The following UGGT2 variants were observed in gnomAD, a reference collection of about 807,000 sequenced individuals.
The protein encoded by UGGT2 is UDP-glucose:glycoprotein glucosyltransferase 2.
Under a neutral mutation model 192.1 loss-of-function variants are expected in UGGT2, and 180 were observed. That is an observed-to-expected ratio of 0.94 (90% CI 0.83 to 1.06). UGGT2 has a LOEUF of 1.06. Ranked by LOEUF, UGGT2 falls within the 50% of genes least tolerant of loss-of-function variation. The pLI is 0.00. For missense variants in UGGT2, 1,849 were observed against 1,795.7 expected (o/e 1.03, Z -0.54); for synonymous variants, 580 against 591.0 (o/e 0.98, Z 0.27).
chr13:95,991,899 A>G (rs1259051382), intron 7 of UGGT2, among the ~76,000 whole-genome samples: 1 of 152,172 alleles, frequency 6.6e-6, no homozygotes, highest in Non-Finnish European at 1.5e-5. Flanking sequence ...ATTCCCTTTT[A>G]AAAATGAATA....
chr13:95,905,658 C>G (rs1325575003), intron 20 of UGGT2, among the ~76,000 whole-genome samples: 1 of 152,050 alleles, frequency 6.6e-6, no homozygotes, highest in Non-Finnish European at 1.5e-5. Context: ...TGATCTATAT[C>G]TCTGTTTTGG....
chr13:95,995,815 A>C (rs2051600480), intron 7 of UGGT2: 2 of 451,848 alleles, frequency 4.4e-6, no homozygotes, highest in Admixed American at 4.2e-5. Flanking sequence ...ACTGTACACC[A>C]AAACATTATG....
chr13:95,920,529 G>A (rs2048812619), intron 20 of UGGT2, among the ~76,000 whole-genome samples: 1 of 151,968 alleles, frequency 6.6e-6, no homozygotes, highest in Non-Finnish European at 1.5e-5. Context: ...AGTGGACAAA[G>A]TACATAAACA....
rs1253020132 is a variant in UGGT2 at position 95,902,874 on chromosome 13, T to A, written c.2482A>T (p.Ile828Phe). The A allele has an allele frequency of 5.0e-6, 8 of 1,613,004 alleles. No homozygotes were observed. The highest frequency in any genetic ancestry group is 6.8e-6 in the Non-Finnish European group (8 of 1,179,448). Residue 828 changes from isoleucine to phenylalanine, a missense_variant, in exon 21 of 39, where the codon ATT (isoleucine) becomes TTT (phenylalanine). By Grantham distance (21) the Ile-to-Phe change is conservative. Transcript: ENST00000376747. ...CTGACCTCAATAAGGAATGTTTTAA[T>A]TTTATCTCCAGAGTAAATAGCTGTA... ...IATAIYSGDK[I>F]KTFLIEGMDK...
chr13:95,991,507 C>T (rs1258273956), intron 7 of UGGT2: 2 of 451,854 alleles, frequency 4.4e-6, no homozygotes, highest in East Asian at 7.0e-5. Context: ...ACAGAATATA[C>T]ATAAATATGG....
chr13:96,040,870 C>G (rs2053145572), intron 1 of UGGT2, among the ~76,000 whole-genome samples: 1 of 152,046 alleles, frequency 6.6e-6, no homozygotes, highest in Admixed American at 6.6e-5. Flanking sequence ...AACAAGCAGT[C>G]TAAGGCTGGA....
intron 7 of UGGT2, 33 bp from the exon 8 acceptor site, chr13:95,990,106 A>G (rs1354591259): frequency 7.1e-7 from 1 of 1,407,780 alleles, no homozygotes; most frequent in Non-Finnish European, 9.8e-7. Context: ...GTTAAGTAGC[A>G]TCACCTATCA....
At chr13:95,897,920 G>A (rs1477980597) in intron 22 of UGGT2, among the ~76,000 whole-genome samples, 1 of 151,996 alleles carries the variant, frequency 6.6e-6, no homozygotes, top group Non-Finnish European at 1.5e-5. Flanking sequence ...GGTCCAAACT[G>A]AATTCTCTTT....
intron 5 of UGGT2, among the ~76,000 whole-genome samples, chr13:96,001,849 G>A (rs2051816530): frequency 6.6e-6 from 1 of 152,116 alleles, no homozygotes; most frequent in Non-Finnish European, 1.5e-5. Context: ...ACATGACTAT[G>A]AGGATAAAAA....
At chr13:95,806,541 C>A (rs1884315197) in intron 38 of UGGT2, among the ~76,000 whole-genome samples, 1 of 152,010 alleles carries the variant, frequency 6.6e-6, no homozygotes, top group Admixed American at 6.6e-5. Flanking sequence ...ACACTTTTTG[C>A]AGAAACAGAA....
In UGGT2 at chr13:95,833,093, T is replaced by C. The variant is rs370043027; in HGVS notation, c.4402-40A>G. The C allele has an allele frequency of 1.5e-4, 241 of 1,600,476 alleles. No individual in the cohort carries two copies. In the African/African-American group the frequency reaches 2.9e-3, roughly 19 times the overall value. On this transcript the variant is annotated intron_variant, in intron 37 of 38. Coordinates refer to ENST00000376747, the MANE Select transcript of UGGT2 (RefSeq NM_020121.4). The stretch of plus-strand genomic sequence containing the variant: ...AAATTTTGTTAATGAAAGACCATGC[T>C]CCTGGAAACATAAGGACAATGCTGT...
chr13:96,016,784 G>C (rs144629724), intron 4 of UGGT2, among the ~76,000 whole-genome samples: 33 of 152,284 alleles, frequency 2.2e-4, no homozygotes, highest in Admixed American at 2.0e-3. Flanking sequence ...GCTAGTGGAG[G>C]GGGGGCTGCA....
rs147111563 is a variant in UGGT2 at position 95,865,618 on chromosome 13, C to T, written c.3558+1721G>A. Among the ~76,000 whole-genome samples, 42 of 152,234 alleles carry T rather than the reference C, an allele frequency of 2.8e-4. No homozygotes were observed. In the East Asian group the frequency reaches 6.0e-3, roughly 22 times the overall value. On this transcript the variant is annotated intron_variant, in intron 30 of 38. Transcript: ENST00000376747. ...GACGGAGGCTGCAGTGAGCCAAGAT[C>T]GGGCCACTGAACTCCAGAGTGAGCA... is the stretch of plus-strand genomic sequence containing the variant.
chr13:95,912,515 T>G (rs1054268983), intron 20 of UGGT2, among the ~76,000 whole-genome samples: 62 of 152,032 alleles, frequency 4.1e-4, no homozygotes, highest in African/African-American at 1.4e-3. Flanking sequence ...AAATACCTAG[T>G]AATCCAACTT....
chr13:95,809,629 G>A, intron 38 of UGGT2: 1 of 224,592 alleles, frequency 4.5e-6, no homozygotes, highest in African/African-American at 2.4e-5. Context: ...CAGGGAGGGT[G>A]TGTGCCAAGT....
chr13:95,921,213 G>GGA (rs1311382809), intron 20 of UGGT2, among the ~76,000 whole-genome samples: 1 of 152,002 alleles, frequency 6.6e-6, no homozygotes, highest in East Asian at 1.9e-4. Context: ...GTGTGGGGAG[G>GGA]GAGAGCATCA....
At position 96,053,167 on chromosome 13, in the gene UGGT2, A is replaced by G; in HGVS notation, c.146T>C (p.Leu49Pro). The change falls in exon 1 of 39, where the codon CTG (leucine) becomes CCG (proline). Residue 49 changes from leucine to proline, a missense_variant. Leu to Pro is a moderately conservative substitution (Grantham distance 98). Transcript: ENST00000376747. ...GGCCCGCACCCACCTTGCCTCCAGC[A>G]GCAGCGGGGTCTCGGGCCACTTCGC... ...LAAKWPETPL[L>P]LEASEFMAEE... 1 of 1,513,492 alleles carries G rather than the reference A, an allele frequency of 6.6e-7. No homozygotes were observed. The highest frequency in any genetic ancestry group is 8.8e-7 in the Non-Finnish European group (1 of 1,135,752). 93.8% of individuals were successfully genotyped at this position (1,513,492 alleles called of 1,614,324 possible).
intron 1 of UGGT2, among the ~76,000 whole-genome samples, chr13:96,039,548 C>CT (rs1321166045): frequency 1.3e-5 from 2 of 152,198 alleles, no homozygotes; most frequent in Admixed American, 6.5e-5. Flanking sequence ...ATTCCCAACA[C>CT]TGAGTTTCCT....
chr13:95,922,841 A>T (rs2048890001), intron 20 of UGGT2, among the ~76,000 whole-genome samples: 1 of 152,224 alleles, frequency 6.6e-6, no homozygotes, highest in East Asian at 1.9e-4. Context: ...AAACAAAATA[A>T]AACAAAACAA....
Sources: gnomAD v4.1 joint callset for allele counts (sites outside exome capture counted in the v4.1 genomes callset) on GRCh38, gnomAD v4.1.1 for gene constraint, MANE v1.5 for transcripts, NCBI Gene and HGNC (gene_info 2026-07-23, HGNC 2026-07-21) for gene names.